FAM78B: variants seen among roughly 807,000 people sequenced by gnomAD.
The protein encoded by FAM78B is protein FAM78B.
In FAM78B, 10 loss-of-function variants were observed where a neutral mutation model predicts 20.0. The observed-to-expected ratio is 0.50, with a 90% CI of 0.31 to 0.85. The LOEUF is 0.85. FAM78B is among the 40% of genes least tolerant of loss of function. FAM78B has a pLI of 0.05. For missense variants in FAM78B, 283 were observed against 345.0 expected (o/e 0.82, Z 1.42); for synonymous variants, 135 against 132.8 (o/e 1.02, Z -0.12).
chr1:166,124,195 C>T (rs1021100166), intron 1 of FAM78B, among the ~76,000 whole-genome samples: 5 of 152,186 alleles, frequency 3.3e-5, no homozygotes, highest in South Asian at 2.1e-4. Context: ...TTTCCTGGAA[C>T]ATCTTTTGCA....
intron 1 of FAM78B, among the ~76,000 whole-genome samples, chr1:166,100,420 G>A (rs1216776726): frequency 6.6e-6 from 1 of 152,190 alleles, no homozygotes; most frequent in Non-Finnish European, 1.5e-5. Flanking sequence ...AAGTGCAAGG[G>A]GTCAGGGATT....
chr1:166,128,958 G>A (rs1479452621), intron 1 of FAM78B, among the ~76,000 whole-genome samples: 1 of 152,212 alleles, frequency 6.6e-6, no homozygotes, highest in Non-Finnish European at 1.5e-5. Context: ...AGAAAGCATG[G>A]GAGGAGGTGA....
At chr1:166,087,674 T>C (rs778936740) in intron 1 of FAM78B, among the ~76,000 whole-genome samples, 1 of 152,198 alleles carries the variant, frequency 6.6e-6, no homozygotes, top group Non-Finnish European at 1.5e-5. Context: ...GCCCAGCTTG[T>C]AAGTGGCAGA....
intron 1 of FAM78B, among the ~76,000 whole-genome samples, chr1:166,105,762 T>A (rs1246442615): frequency 6.6e-6 from 1 of 151,950 alleles, no homozygotes; most frequent in Admixed American, 6.6e-5. Flanking sequence ...TTGGTGGGAC[T>A]GTAAACTAGT....
At chr1:166,091,367 G>A (rs1653063299) in intron 1 of FAM78B, among the ~76,000 whole-genome samples, 2 of 152,110 alleles carry the variant, frequency 1.3e-5, no homozygotes, top group South Asian at 4.1e-4. Flanking sequence ...ATGGGGGCAG[G>A]TCTTTCTCTT....
chr1:166,057,071 C>G (rs1361809327), downstream of FAM78B, among the ~76,000 whole-genome samples: 3 of 152,192 alleles, frequency 2.0e-5, no homozygotes, highest in Non-Finnish European at 2.9e-5. Context: ...TCGTGGACTT[C>G]CCAGCTTCCA....
At chr1:166,086,436 G>A (rs1362029377) in intron 1 of FAM78B, among the ~76,000 whole-genome samples, 1 of 152,206 alleles carries the variant, frequency 6.6e-6, no homozygotes, top group South Asian at 2.1e-4. Flanking sequence ...TGGGAAGATG[G>A]AAGGGGCTTC....
Position 166,166,272 on chromosome 1 carries a change from C to G in FAM78B, c.-24G>C. 7.4e-7 allele frequency: 1 copy of G among 1,351,478 alleles called. No homozygotes were observed. Among genetic ancestry groups the G allele is most frequent in the South Asian group, 1.8e-5 (1 of 55,330 alleles). 83.7% of individuals were successfully genotyped at this position (1,351,478 alleles called of 1,614,324 possible). A position where few individuals can be genotyped will look rare whatever the true frequency, so the allele number is the denominator to read the frequency against. ...ATCCTGCAGCCCGGTGCCGGCACGG[C>G]GCGGCGTGGGGCAGCGCGGGGGCCC... On this transcript the variant is annotated 5_prime_UTR_variant, in exon 1 of 2. Transcript: ENST00000354422.
intron 1 of FAM78B, among the ~76,000 whole-genome samples, chr1:166,114,179 A>G (rs921541613): frequency 2.6e-5 from 4 of 152,276 alleles, no homozygotes; most frequent in Non-Finnish European, 4.4e-5. Context: ...TCCATTGCAC[A>G]TTCGAATTTT....
intron 1 of FAM78B, among the ~76,000 whole-genome samples, chr1:166,156,070 C>T (rs1655881204): frequency 6.6e-6 from 1 of 152,222 alleles, no homozygotes; most frequent in South Asian, 2.1e-4. Context: ...CCTCTAACAG[C>T]CTCTGAGAGC....
intron 1 of FAM78B, among the ~76,000 whole-genome samples, chr1:166,163,047 A>G (rs1378832802): frequency 3.3e-5 from 5 of 152,236 alleles, no homozygotes; most frequent in Non-Finnish European, 7.3e-5. Context: ...TCTTATAATG[A>G]GAAGCAGTGA....
chr1:166,137,906 A>T (rs962090514), intron 1 of FAM78B, among the ~76,000 whole-genome samples: 3 of 152,230 alleles, frequency 2.0e-5, no homozygotes, highest in Non-Finnish European at 4.4e-5. Flanking sequence ...CAAGGTTAAC[A>T]GCAGAAACAG....
chr1:166,142,431 C>T (rs988960417), intron 1 of FAM78B, among the ~76,000 whole-genome samples: 3 of 152,186 alleles, frequency 2.0e-5, no homozygotes, highest in Admixed American at 6.5e-5. Context: ...CAGACAGAGT[C>T]AGTGGTGCAT....
chr1:166,089,053 GCAGA>G (rs1652956385), intron 1 of FAM78B, among the ~76,000 whole-genome samples: 1 of 152,120 alleles, frequency 6.6e-6, no homozygotes, highest in African/African-American at 2.4e-5. Context: ...CAGAGCCTCG[GCAGA>G]CACTGTCTGG....
At chr1:166,112,991 G>A (rs1238054506) in intron 1 of FAM78B, among the ~76,000 whole-genome samples, 5 of 152,202 alleles carry the variant, frequency 3.3e-5, no homozygotes, top group Non-Finnish European at 7.3e-5. Flanking sequence ...TTAGAGAGAT[G>A]AGAGATTTTA....
chr1:166,143,230 AG>A (rs1168006386), intron 1 of FAM78B, among the ~76,000 whole-genome samples: 6 of 152,154 alleles, frequency 3.9e-5, no homozygotes, highest in Non-Finnish European at 7.4e-5. Flanking sequence ...GGCAGGGAAG[AG>A]GCCTAATTCA....
chr1:166,142,783 C>A (rs181793739), intron 1 of FAM78B, among the ~76,000 whole-genome samples: 1 of 152,128 alleles, frequency 6.6e-6, no homozygotes, highest in East Asian at 1.9e-4. Context: ...AAAAAGTGGG[C>A]TAGTCTTAAA....
chr1:166,128,575 T>C (rs911928462), intron 1 of FAM78B, among the ~76,000 whole-genome samples: 2 of 152,250 alleles, frequency 1.3e-5, no homozygotes, highest in African/African-American at 2.4e-5. Flanking sequence ...TGTAAATCAC[T>C]GTTCTTTGGT....
intron 1 of FAM78B, among the ~76,000 whole-genome samples, chr1:166,077,873 A>ATAATATATATAAT (rs1553214962): frequency 8.6e-4 from 3 of 3,490 alleles, no homozygotes; most frequent in Non-Finnish European, 1.1e-3. Context: ...TATATATATA[A>ATAATATATATAAT]TTATATATAT....
Sources: allele counts gnomAD v4.1 joint callset (sites outside exome capture counted in the v4.1 genomes callset), GRCh38; gene constraint gnomAD v4.1.1; transcripts MANE v1.5; gene names NCBI Gene and HGNC (gene_info 2026-07-23, HGNC 2026-07-21).